Variants in ERBB4 observed in about 807,000 individuals in gnomAD.
The protein encoded by ERBB4 is receptor tyrosine-protein kinase erbB-4.
A neutral mutation model predicts 158.0 loss-of-function variants in ERBB4; 42 were observed. The ratio of observed to expected loss-of-function variants is 0.27; its 90% CI spans 0.21 to 0.34. The LOEUF (loss-of-function observed/expected upper bound fraction) is 0.34, where lower values mean the gene tolerates loss of function less well. ERBB4 is among the 10% of genes least tolerant of loss of function. ERBB4 has a pLI of 1.00. For missense variants in ERBB4, 1,333 were observed against 1,624.1 expected (o/e 0.82, Z 3.08); for synonymous variants, 583 against 558.7 (o/e 1.04, Z -0.61).
intron 20 of ERBB4, among the ~76,000 whole-genome samples, chr2:211,514,834 G>A (rs554470784): frequency 2.0e-5 from 3 of 152,194 alleles, no homozygotes; most frequent in South Asian, 2.1e-4. Flanking sequence ...GAAACATTCC[G>A]ATGAGCATTT....
chr2:212,279,623 A>G (rs1037003732), intron 1 of ERBB4, among the ~76,000 whole-genome samples: 1 of 151,630 alleles, frequency 6.6e-6, no homozygotes. Context: ...GATTAATTTT[A>G]AAAGATAGCT....
At chr2:212,405,534 C>T (rs1010194208) in intron 1 of ERBB4, among the ~76,000 whole-genome samples, 15 of 151,950 alleles carry the variant, frequency 9.9e-5, no homozygotes, top group African/African-American at 2.2e-4. Flanking sequence ...CACATGCACA[C>T]GAATGTTCAT....
At chr2:212,040,316 GTTT>G (rs201067543) in intron 2 of ERBB4, among the ~76,000 whole-genome samples, 5 of 151,000 alleles carry the variant, frequency 3.3e-5, no homozygotes, top group Non-Finnish European at 7.4e-5. Context: ...AATTTTAGTA[GTTT>G]TTTTTTCTTC....
At position 212,052,729 on chromosome 2, in the gene ERBB4, C is replaced by T. The variant is rs1241989940; in HGVS notation, c.234+72023G>A. ...CTGACTCACAGGCAAGGGACTAAAA[C>T]CACATCCAGAGAGTGAGATGTCAGA... On this transcript the variant is annotated intron_variant, in intron 2 of 27. Coordinates refer to ENST00000342788, the MANE Select transcript of ERBB4 (RefSeq NM_005235.3). Among the ~76,000 whole-genome samples, 3 of 152,162 alleles carry T rather than the reference C, an allele frequency of 2.0e-5. No homozygotes were observed. The East Asian group carries it at 5.8e-4, about 29-fold the overall frequency.
At chr2:212,155,022 G>A (rs560447669) in intron 1 of ERBB4, among the ~76,000 whole-genome samples, 15 of 152,220 alleles carry the variant, frequency 9.9e-5, no homozygotes, top group South Asian at 8.3e-4. Flanking sequence ...GAAACTCAGC[G>A]GATGAATGGT....
chr2:212,272,454 G>A (rs751068931), intron 1 of ERBB4, among the ~76,000 whole-genome samples: 1 of 151,756 alleles, frequency 6.6e-6, no homozygotes, highest in Non-Finnish European at 1.5e-5. Flanking sequence ...AAGGAATAAT[G>A]TGGCATTTCC....
At chr2:211,907,776 A>G (rs1318911826) in intron 3 of ERBB4, among the ~76,000 whole-genome samples, 2 of 151,502 alleles carry the variant, frequency 1.3e-5, no homozygotes, top group South Asian at 2.1e-4. Context: ...AACCCACAAA[A>G]CCCCACAACT....
In ERBB4 at chr2:211,893,433, G is replaced by A. The variant is rs996363620; in HGVS notation, c.421+53997C>T. ...TTCAAGATGGATTAAAGATTTAAAC[G>A]TTAGACCTAAAACCATAAAAACCCT... On this transcript the variant is annotated intron_variant, in intron 3 of 27. Transcript: ENST00000342788. 1.1e-4 allele frequency among the ~76,000 whole-genome samples: 16 copies of A among 140,592 alleles called. 2 individuals are homozygous for A. The highest frequency in any genetic ancestry group is 2.1e-4 in the Non-Finnish European group (14 of 65,142). The allele number at this position is 140,592 out of a possible 152,430, so 92.2% of individuals were successfully genotyped here.
intron 3 of ERBB4, among the ~76,000 whole-genome samples, chr2:211,916,970 G>GT (rs2079710819): frequency 6.6e-6 from 1 of 152,130 alleles, no homozygotes; most frequent in Admixed American, 6.6e-5. Flanking sequence ...GCCAAGACCT[G>GT]TTTATGAAGA....
chr2:211,422,761 G>A (rs78319964), intron 23 of ERBB4, among the ~76,000 whole-genome samples: 5,560 of 151,876 alleles, frequency 0.037, 247 homozygotes, highest in African/African-American at 0.11. Flanking sequence ...CCGAAAGAAA[G>A]GTAAAATTCT....
At chr2:211,387,394 T>A (rs1255101275) in intron 26 of ERBB4, among the ~76,000 whole-genome samples, 1 of 152,164 alleles carries the variant, frequency 6.6e-6, no homozygotes, top group Non-Finnish European at 1.5e-5. Context: ...ATTAACCAAC[T>A]GAAACATATT....
chr2:211,395,042 C>T (rs974961241), intron 25 of ERBB4, among the ~76,000 whole-genome samples: 4 of 152,004 alleles, frequency 2.6e-5, no homozygotes, highest in Non-Finnish European at 5.9e-5. Context: ...AATTTTCTGC[C>T]TCAAGCCCAC....
At chr2:212,278,369 T>C (rs779888184) in intron 1 of ERBB4, among the ~76,000 whole-genome samples, 8 of 151,770 alleles carry the variant, frequency 5.3e-5, no homozygotes, top group Non-Finnish European at 1.0e-4. Flanking sequence ...TCAAACATAA[T>C]TGAATTTATA....
intron 3 of ERBB4, among the ~76,000 whole-genome samples, chr2:211,833,187 C>A (rs2077263290): frequency 1.3e-5 from 2 of 152,094 alleles, no homozygotes; most frequent in African/African-American, 4.8e-5. Flanking sequence ...GGTGCAAGTG[C>A]AGTGAAGTAT....
chr2:212,121,736 T>G (rs576081926), intron 2 of ERBB4, among the ~76,000 whole-genome samples: 1 of 106,558 alleles, frequency 9.4e-6, no homozygotes, highest in Non-Finnish European at 2.3e-5. Context: ...CACATGTGAT[T>G]TATTTGCAAT....
intron 14 of ERBB4, among the ~76,000 whole-genome samples, chr2:211,667,567 T>C (rs1256427007): frequency 3.3e-5 from 5 of 152,150 alleles, no homozygotes; most frequent in Non-Finnish European, 7.3e-5. Flanking sequence ...CACCTGCTTA[T>C]GGGTACTTAG....
At chr2:211,719,841 C>T (rs916358670) in intron 7 of ERBB4, among the ~76,000 whole-genome samples, 2 of 137,244 alleles carry the variant, frequency 1.5e-5, no homozygotes, top group South Asian at 2.2e-4. Context: ...GGTGACAGAG[C>T]GAGATTCTGT....
intron 20 of ERBB4, 151 bp from the exon 21 acceptor site, chr2:211,431,251 G>A (rs936954263): frequency 1.5e-6 from 1 of 688,090 alleles, no homozygotes; most frequent in African/African-American, 1.8e-5. Flanking sequence ...GAGAAAACCT[G>A]ATTTGGGGGA....
chr2:211,816,390 A>G (rs563558190), intron 3 of ERBB4, among the ~76,000 whole-genome samples: 24 of 151,744 alleles, frequency 1.6e-4, no homozygotes, highest in African/African-American at 5.1e-4. Context: ...AAATTACAAA[A>G]ATTAGCTGGA....
Sources: gnomAD v4.1 joint callset for allele counts (sites outside exome capture counted in the v4.1 genomes callset) on GRCh38, gnomAD v4.1.1 for gene constraint, MANE v1.5 for transcripts, NCBI Gene and HGNC (gene_info 2026-07-23, HGNC 2026-07-21) for gene names.